MAPKAPK2: variants seen among roughly 807,000 people sequenced by gnomAD.
The protein encoded by MAPKAPK2 is MAP kinase-activated protein kinase 2.
MAPKAPK2 carries 9 observed loss-of-function variants against 48.8 expected under a neutral mutation model. The ratio of observed to expected loss-of-function variants is 0.18; its 90% CI spans 0.11 to 0.32. The LOEUF (loss-of-function observed/expected upper bound fraction) is 0.32, where lower values mean the gene tolerates loss of function less well. MAPKAPK2 is among the 10% of genes least tolerant of loss of function. The pLI, the probability that MAPKAPK2 is intolerant of heterozygous loss-of-function variation, is 1.00. For missense variants in MAPKAPK2, 331 were observed against 498.3 expected (o/e 0.66, Z 3.20); for synonymous variants, 202 against 190.6 (o/e 1.06, Z -0.49).
At chr1:206,729,630 C>T (rs976941208) in intron 4 of MAPKAPK2, among the ~76,000 whole-genome samples, 155 bp downstream of exon 4, 11 of 152,240 alleles carry the variant, frequency 7.2e-5, no homozygotes, top group Non-Finnish European at 1.5e-4. Context: ...CCTCTCTGCC[C>T]ATGGGCAAAC....
intron 1 of MAPKAPK2, among the ~76,000 whole-genome samples, chr1:206,703,866 C>T (rs565307338): frequency 6.6e-6 from 1 of 152,328 alleles, no homozygotes; most frequent in East Asian, 1.9e-4. Flanking sequence ...CAGGAACAGT[C>T]AGTGGCTTCA....
At chr1:206,730,416 A>G (rs1673865028) in intron 5 of MAPKAPK2, among the ~76,000 whole-genome samples, 1 of 152,252 alleles carries the variant, frequency 6.6e-6, no homozygotes, top group African/African-American at 2.4e-5. Context: ...GCATGTTCAG[A>G]GCATCTGTGA....
chr1:206,697,382 A>G (rs1310173661), intron 1 of MAPKAPK2, among the ~76,000 whole-genome samples: 2 of 152,228 alleles, frequency 1.3e-5, no homozygotes, highest in Non-Finnish European at 2.9e-5. Flanking sequence ...TGGGTAATTT[A>G]TAGAGAAAAG....
chr1:206,714,779 A>AAG (rs1364910080), intron 1 of MAPKAPK2, among the ~76,000 whole-genome samples: 3 of 151,378 alleles, frequency 2.0e-5, no homozygotes, highest in Non-Finnish European at 2.9e-5. Context: ...AAAAAAAAAA[A>AAG]AAGAAGTCCC....
At chr1:206,703,429 AGG>A (rs1357339790) in intron 1 of MAPKAPK2, among the ~76,000 whole-genome samples, 1 of 152,100 alleles carries the variant, frequency 6.6e-6, no homozygotes, top group African/African-American at 2.4e-5. Context: ...AGATTGGAAA[AGG>A]GGCCTTCATA....
intron 1 of MAPKAPK2, 115 bp downstream of exon 1, chr1:206,685,623 C>G: frequency 1.4e-6 from 1 of 698,436 alleles, no homozygotes; most frequent in Non-Finnish European, 1.8e-6. Flanking sequence ...GTGGCCGCGG[C>G]GGGGCGGGGC....
intron 1 of MAPKAPK2, among the ~76,000 whole-genome samples, chr1:206,722,046 TGA>T (rs1553431267): frequency 7.4e-6 from 1 of 135,508 alleles, no homozygotes; most frequent in African/African-American, 2.8e-5. Flanking sequence ...GCCTGGGTAA[TGA>T]GAGTGAAACT....
At chr1:206,696,695 C>T (rs1672635050) in intron 1 of MAPKAPK2, among the ~76,000 whole-genome samples, 1 of 152,124 alleles carries the variant, frequency 6.6e-6, no homozygotes, top group Non-Finnish European at 1.5e-5. Context: ...CAGAGCGAGA[C>T]CCCGTCTCTG....
intron 5 of MAPKAPK2, 76 bp from the exon 6 acceptor site, chr1:206,730,612 G>A (rs967740728): frequency 9.5e-6 from 12 of 1,266,068 alleles, no homozygotes; most frequent in African/African-American, 5.9e-5. Flanking sequence ...GGGATGGGGA[G>A]CATCTTTCAC....
chr1:206,712,463 C>T (rs1673186514), intron 1 of MAPKAPK2, among the ~76,000 whole-genome samples: 1 of 152,166 alleles, frequency 6.6e-6, no homozygotes. Context: ...AGAAAAGTCT[C>T]TTTCATCCTG....
At chr1:206,714,640 C>T (rs2102401040) in intron 1 of MAPKAPK2, among the ~76,000 whole-genome samples, 1 of 151,130 alleles carries the variant, frequency 6.6e-6, no homozygotes, top group South Asian at 2.1e-4. Flanking sequence ...TGGTGGGAGC[C>T]TATAATCCCA....
intron 1 of MAPKAPK2, among the ~76,000 whole-genome samples, chr1:206,687,983 T>G (rs1672337857): frequency 2.6e-5 from 4 of 152,190 alleles, no homozygotes; most frequent in Admixed American, 2.6e-4. Flanking sequence ...GATGCTCTCC[T>G]CTCTGCCTAT....
In MAPKAPK2 at chr1:206,729,511, TG is replaced by T. The variant is rs1312882077; in HGVS notation, c.564+42del. 8.2e-6 allele frequency: 13 copies of T among 1,583,338 alleles called. No homozygotes were observed. The Admixed American group carries it at 2.2e-4, about 26-fold the overall frequency. Reference sequence around the variant, plus strand: ...TTCATAACCCTGAGCCCGAGTGCTGTGGGGGGCAACAAAGGGGCTGTGGCCA... The same window carrying T: ...TTCATAACCCTGAGCCCGAGTGCTGTGGGGGCAACAAAGGGGCTGTGGCCA... On this transcript the variant is annotated intron_variant, in intron 4 of 9. Transcript: ENST00000367103.
At chr1:206,692,135 C>A (rs1672481408) in intron 1 of MAPKAPK2, among the ~76,000 whole-genome samples, 1 of 152,168 alleles carries the variant, frequency 6.6e-6, no homozygotes, top group African/African-American at 2.4e-5. Context: ...TCCCTGTGCA[C>A]AGGGATCTGG....
At chr1:206,688,454 G>T (rs1553425855) in intron 1 of MAPKAPK2, among the ~76,000 whole-genome samples, 1 of 152,172 alleles carries the variant, frequency 6.6e-6, no homozygotes, top group Non-Finnish European at 1.5e-5. Flanking sequence ...ACTGACAAGA[G>T]GGGAGGTCAG....
Position 206,685,296 on chromosome 1 carries a change from C to A in MAPKAPK2, c.67C>A (p.Pro23Thr). ...CCCCGCCCCGGCCCCGCCGCCGCAG[C>A]CCCCCACCCCTGCCCTGCCGCACCC... ...PFPAPAPPPQ[P>T]PTPALPHPPA... Residue 23 changes from proline to threonine, a missense_variant, in exon 1 of 10, where the codon CCC (proline) becomes ACC (threonine). Around this residue, in one of 4 missense-constraint regions of MAPKAPK2, gnomAD observed 93 missense variants for 81.0 expected, o/e 1.15. Transcript: ENST00000367103. The A allele has an allele frequency of 2.5e-6, 1 of 405,420 alleles. No homozygotes were observed. The highest frequency in any genetic ancestry group is 4.2e-6 in the Non-Finnish European group (1 of 236,258). The allele number at this position is 405,420 out of a possible 1,614,324, so 25.1% of individuals were successfully genotyped here.
chr1:206,729,546 A>G (rs1673830184), intron 4 of MAPKAPK2, 71 bp downstream of exon 4: 1 of 1,349,072 alleles, frequency 7.4e-7, no homozygotes, highest in East Asian at 2.3e-5. Context: ...CACCCCAGAG[A>G]TGGTTGCCAG....
chr1:206,720,822 A>T (rs1172136757), intron 1 of MAPKAPK2, among the ~76,000 whole-genome samples: 1 of 152,236 alleles, frequency 6.6e-6, no homozygotes, highest in Non-Finnish European at 1.5e-5. Context: ...AAGAAAAAAT[A>T]GGATAGTATT....
chr1:206,704,235 T>C lies in MAPKAPK2; in HGVS notation c.279+18727T>C, dbSNP rs1672885509. 6.6e-6 allele frequency among the ~76,000 whole-genome samples: 1 copy of C among 152,100 alleles called. No homozygotes were observed. Among genetic ancestry groups the C allele is most frequent in the African/African-American group, 2.4e-5 (1 of 41,426 alleles). Reference sequence around the variant, plus strand: ...TGAACGCACTAGACTTTCTGGGAAATGTTGAAGATTTACGCCTGTCTGAGT... The same window carrying C: ...TGAACGCACTAGACTTTCTGGGAAACGTTGAAGATTTACGCCTGTCTGAGT... On this transcript the variant is annotated intron_variant, in intron 1 of 9. Transcript: ENST00000367103. This position sits in a 1 kb window ranked among gnomAD's most constrained non-coding sequence, Gnocchi z 4.3.
Sources: gnomAD v4.1 joint callset for allele counts (sites outside exome capture counted in the v4.1 genomes callset) on GRCh38, gnomAD v4.1.1 for gene constraint, gnomAD v4.1.1 regional missense constraint, Gnocchi (gnomAD v3.1) non-coding constraint, MANE v1.5 for transcripts, NCBI Gene and HGNC (gene_info 2026-07-23, HGNC 2026-07-21) for gene names.